PFKFB4: variants seen among roughly 807,000 people sequenced by gnomAD.
The protein encoded by PFKFB4 is 6-phosphofructo-2-kinase/fructose-2,6-biphosphatase 4, also known as 6-phosphofructo-2-kinase/fructose-2,6-bisphosphatase 4.
In PFKFB4, 42 loss-of-function variants were observed where a neutral mutation model predicts 62.8. The observed-to-expected ratio is 0.67, with a 90% CI of 0.52 to 0.86. PFKFB4 has a LOEUF of 0.86. PFKFB4 is among the 40% of genes least tolerant of loss of function. PFKFB4 has a pLI of 0.00. For synonymous variants in PFKFB4, 204 were observed against 240.7 expected (o/e 0.85, Z 1.41); for missense variants, 475 against 627.2 (o/e 0.76, Z 2.59).
rs567561643 is a variant in PFKFB4 at position 48,521,303 on chromosome 3, G to A, written c.1350+683C>T. ...CCCAGAAGTGTAGGTCCTATCCTTG[G>A]CCCCAGTGGGAGAGGGAGCCAACAT... is the stretch of plus-strand genomic sequence containing the variant. On this transcript the variant is annotated intron_variant, in intron 13 of 13. Coordinates refer to ENST00000232375, the MANE Select transcript of PFKFB4 (RefSeq NM_004567.4). This position sits in a 1 kb window ranked among gnomAD's most constrained non-coding sequence, Gnocchi z 5.3. Among the ~76,000 whole-genome samples, 1 of 152,278 alleles carries A rather than the reference G, an allele frequency of 6.6e-6. No individual in the cohort carries two copies. The highest frequency in any genetic ancestry group is 2.1e-4 in the South Asian group (1 of 4,826).
At chr3:48,557,955 T>C (rs1466404738), upstream of PFKFB4, among the ~76,000 whole-genome samples, 2 of 152,236 alleles carry the variant, frequency 1.3e-5, no homozygotes, top group East Asian at 1.9e-4. Context: ...ATTTTGGTTT[T>C]TTTAACTAAA....
chr3:48,546,193 C>T (rs544400513), intron 3 of PFKFB4, among the ~76,000 whole-genome samples: 4 of 152,270 alleles, frequency 2.6e-5, no homozygotes, highest in South Asian at 2.1e-4. Context: ...TGCACACACA[C>T]GAGCGTGCAC....
upstream of PFKFB4, chr3:48,557,130 A>AGGTTGGG: frequency 3.0e-6 from 1 of 336,742 alleles, no homozygotes; most frequent in Non-Finnish European, 4.9e-6. Flanking sequence ...CAGCTCTCCC[A>AGGTTGGG]ACCTGCCCGC....
chr3:48,556,989 G>A, upstream of PFKFB4: 1 of 1,377,772 alleles, frequency 7.3e-7, no homozygotes, highest in African/African-American at 1.5e-5. This position sits in a 1 kb window ranked among gnomAD's most constrained non-coding sequence, Gnocchi z 5.7. Context: ...TCACCTACCC[G>A]CCCGTTTTGG....
upstream of PFKFB4, chr3:48,556,866 G>T (rs2043342202): frequency 6.8e-7 from 1 of 1,478,814 alleles, no homozygotes; most frequent in East Asian, 2.8e-5. The surrounding 1 kb of genome is among the most constrained non-coding windows in gnomAD (Gnocchi z 5.7). Context: ...CTTGGGCCCC[G>T]CCCCTCCTCA....
chr3:48,557,806 G>A (rs1467667391), upstream of PFKFB4, among the ~76,000 whole-genome samples: 1 of 152,104 alleles, frequency 6.6e-6, no homozygotes, highest in East Asian at 1.9e-4. Context: ...CAAAGTGCTG[G>A]GATTACAGGC....
intron 4 of PFKFB4, 129 bp downstream of exon 4, chr3:48,543,451 G>A (rs2042857594): frequency 1.2e-6 from 1 of 811,198 alleles, no homozygotes; most frequent in Non-Finnish European, 2.1e-6. Flanking sequence ...TTCCTCCCAA[G>A]GGCTGGCACC....
chr3:48,539,833 C>A lies in PFKFB4; in HGVS notation c.379-62G>T. 14 of 1,369,404 alleles carry A rather than the reference C, an allele frequency of 1.0e-5. No individual in the cohort carries two copies. In the South Asian group the frequency reaches 1.6e-4, roughly 16 times the overall value. The allele number at this position is 1,369,404 out of a possible 1,614,324, so 84.8% of individuals were successfully genotyped here. ...TGGGGAAGGAAGGGGCCAGAGTGGG[C>A]CCTGAAGTGGGCAGTGAGGGCCGCA... On this transcript the variant is annotated intron_variant, in intron 4 of 13. Coordinates refer to ENST00000232375, the MANE Select transcript of PFKFB4 (RefSeq NM_004567.4).
intron 3 of PFKFB4, chr3:48,548,435 C>A (rs1388913612): frequency 1.3e-5 from 2 of 152,102 alleles, no homozygotes; most frequent in East Asian, 3.9e-4. Context: ...ACATTCCAGC[C>A]TGGGCGACAG....
intron 9 of PFKFB4, among the ~76,000 whole-genome samples, chr3:48,527,701 T>C (rs1327383508): frequency 6.6e-6 from 1 of 150,836 alleles, no homozygotes; most frequent in Non-Finnish European, 1.5e-5. Flanking sequence ...TTTTTTTTTT[T>C]TTTTGAGACA....
chr3:48,528,636 T>C (rs1182172465), intron 9 of PFKFB4, among the ~76,000 whole-genome samples: 1 of 152,222 alleles, frequency 6.6e-6, no homozygotes, highest in Admixed American at 6.5e-5. Flanking sequence ...GCACTCAGCC[T>C]GGGCAACAAA....
chr3:48,550,829 CTAA>C (rs2043120059), intron 1 of PFKFB4, among the ~76,000 whole-genome samples: 1 of 152,222 alleles, frequency 6.6e-6, no homozygotes, highest in African/African-American at 2.4e-5. Flanking sequence ...GGTCACCTCA[CTAA>C]TGACACTCTT....
In PFKFB4 at chr3:48,539,708, T is replaced by G. The variant is rs1429660139; in HGVS notation, c.442A>C (p.Asn148His). The change falls in exon 5 of 14, where the codon AAT becomes CAT. Residue 148 changes from asparagine (N) to histidine (H), a missense_variant. Asn to His is a moderately conservative substitution (Grantham distance 68). Coordinates refer to ENST00000232375, the MANE Select transcript of PFKFB4 (RefSeq NM_004567.4). Reference protein sequence around the residue: ...RATIFNFGEQNGYKTFFVESI... With the variant: ...RATIFNFGEQHGYKTFFVESI... ...CAAGGAGGCCTCACCTTGTAGCCAT[T>G]CTGTTCTCCAAAATTAAAGATGGTC... The G allele has an allele frequency of 5.6e-6, 9 of 1,613,888 alleles. No individual in the cohort carries two copies. In the South Asian group the frequency reaches 9.9e-5, roughly 18 times the overall value.
intron 1 of PFKFB4, among the ~76,000 whole-genome samples, chr3:48,551,124 G>GAAT (rs1212036798): frequency 6.6e-6 from 1 of 152,068 alleles, no homozygotes; most frequent in Non-Finnish European, 1.5e-5. Flanking sequence ...GGAAGGATCT[G>GAAT]AATACAGCCC....
upstream of PFKFB4, chr3:48,561,108 C>G (rs778447831): frequency 2.5e-5 from 32 of 1,283,780 alleles, no homozygotes; most frequent in African/African-American, 3.0e-5. The surrounding 1 kb of genome is among the most constrained non-coding windows in gnomAD (Gnocchi z 5.2). Flanking sequence ...TAACGAGCCT[C>G]TGTCCATCCT....
intron 3 of PFKFB4, among the ~76,000 whole-genome samples, chr3:48,547,098 G>A (rs1399183005): frequency 6.6e-6 from 1 of 152,130 alleles, no homozygotes; most frequent in Non-Finnish European, 1.5e-5. Context: ...TGAACCTGAG[G>A]GCAGTCTTGG....
At chr3:48,520,478 C>A (rs1032848804) in intron 13 of PFKFB4, among the ~76,000 whole-genome samples, 3 of 152,196 alleles carry the variant, frequency 2.0e-5, no homozygotes, top group Non-Finnish European at 4.4e-5. Context: ...CAGCTGTGGG[C>A]CCCGGAACCA....
intron 1 of PFKFB4, among the ~76,000 whole-genome samples, chr3:48,551,734 A>C (rs1201435506): frequency 6.7e-6 from 1 of 148,420 alleles, no homozygotes; most frequent in East Asian, 2.0e-4. Context: ...CAGTAGAGAC[A>C]GGATTTCATT....
intron 9 of PFKFB4, among the ~76,000 whole-genome samples, chr3:48,528,002 G>T (rs111250064): frequency 0.022 from 3,347 of 151,946 alleles, 124 homozygotes; most frequent in African/African-American, 0.076. Flanking sequence ...TTCCACCATC[G>T]TAAAGAGCAC....
Sources: allele counts gnomAD v4.1 joint callset (sites outside exome capture counted in the v4.1 genomes callset), GRCh38; gene constraint gnomAD v4.1.1; non-coding constraint Gnocchi (gnomAD v3.1); transcripts MANE v1.5; gene names NCBI Gene and HGNC (gene_info 2026-07-23, HGNC 2026-07-21).